DPP6: variants seen among roughly 807,000 people sequenced by gnomAD.
The protein encoded by DPP6 is A-type potassium channel modulatory protein DPP6.
A neutral mutation model predicts 122.6 loss-of-function variants in DPP6; 69 were observed. The ratio of observed to expected loss-of-function variants is 0.56; its 90% CI spans 0.46 to 0.69. The LOEUF is 0.69. DPP6 is among the 30% of genes least tolerant of loss of function. The pLI is 0.00. For missense variants in DPP6, 928 were observed against 1,116.9 expected (o/e 0.83, Z 2.41); for synonymous variants, 418 against 433.1 (o/e 0.97, Z 0.43).
chr7:154,326,969 C>T (rs1052703265), intron 1 of DPP6, among the ~76,000 whole-genome samples: 4 of 152,006 alleles, frequency 2.6e-5, no homozygotes, highest in African/African-American at 4.8e-5. Context: ...CAGAGAGGGA[C>T]GCAAAAAGGC....
At chr7:154,154,031 G>T (rs1483306233) in intron 1 of DPP6, among the ~76,000 whole-genome samples, 1 of 152,338 alleles carries the variant, frequency 6.6e-6, no homozygotes, top group East Asian at 1.9e-4. Context: ...AAACATAATT[G>T]TTCCTTCAAT....
intron 1 of DPP6, among the ~76,000 whole-genome samples, chr7:154,247,698 G>A (rs1487343772): frequency 6.6e-6 from 1 of 152,096 alleles, no homozygotes; most frequent in Non-Finnish European, 1.5e-5. Context: ...TTGTTTGAAA[G>A]TTTCTTCTAA....
chr7:154,764,226 GACCA>G (rs1795756204), intron 8 of DPP6, among the ~76,000 whole-genome samples: 2 of 152,100 alleles, frequency 1.3e-5, no homozygotes, highest in African/African-American at 2.4e-5. Flanking sequence ...GAATGGAATT[GACCA>G]CTCTCGCTCG....
Position 154,204,320 on chromosome 7 carries a change from G to A in DPP6, c.243+151257G>A, listed in dbSNP as rs114628751. On this transcript the variant is annotated intron_variant, in intron 1 of 25. Transcript: ENST00000377770. Reference sequence around the variant, plus strand: ...ACTAAACTGCTTTGACAGCTCCTGTGTCTCCTGGATGGGAAGTGGGGAGGG... The same window carrying A: ...ACTAAACTGCTTTGACAGCTCCTGTATCTCCTGGATGGGAAGTGGGGAGGG... Among the ~76,000 whole-genome samples the A allele has an allele frequency of 3.7e-3, 558 of 152,348 alleles. 7 individuals are homozygous for A. Among genetic ancestry groups the A allele is most frequent in the African/African-American group, 0.013 (525 of 41,570 alleles).
chr7:154,855,234 A>C (rs3807274), intron 17 of DPP6, among the ~76,000 whole-genome samples: 75,983 of 152,068 alleles, frequency 0.5, 19,386 homozygotes, highest in East Asian at 0.79. Context: ...TAATGATGAT[A>C]GTCTGCCAAG....
At chr7:154,061,665 C>CT (rs1801922663) in intron 1 of DPP6, among the ~76,000 whole-genome samples, 1 of 139,808 alleles carries the variant, frequency 7.2e-6, no homozygotes. Context: ...GCCAACCCCT[C>CT]TTCCCCCCCT....
chr7:154,077,138 A>G (rs1297559826), intron 1 of DPP6, among the ~76,000 whole-genome samples: 1 of 152,198 alleles, frequency 6.6e-6, no homozygotes, highest in Non-Finnish European at 1.5e-5. Flanking sequence ...GCTTCTAAGA[A>G]TGTTCCTATT....
the DPP6 span, among the ~76,000 whole-genome samples, chr7:153,784,120 A>C: frequency 6.6e-6 from 1 of 152,234 alleles, no homozygotes; most frequent in Non-Finnish European, 1.5e-5. Context: ...AAGTAAATTA[A>C]ATGGAGTTTT....
At chr7:154,121,308 G>C (rs546524080) in intron 1 of DPP6, among the ~76,000 whole-genome samples, 2 of 152,122 alleles carry the variant, frequency 1.3e-5, no homozygotes, top group South Asian at 4.1e-4. Flanking sequence ...CCCTCTGCTT[G>C]CTTTGGGTTT....
chr7:154,492,974 C>T (rs1487940529), intron 3 of DPP6, among the ~76,000 whole-genome samples: 2 of 152,228 alleles, frequency 1.3e-5, no homozygotes, highest in Non-Finnish European at 2.9e-5. Flanking sequence ...GAAGCTCCCG[C>T]ATCCCTCTTC....
At chr7:154,598,643 T>C (rs1833245036) in intron 5 of DPP6, among the ~76,000 whole-genome samples, 1 of 152,238 alleles carries the variant, frequency 6.6e-6, no homozygotes, top group Non-Finnish European at 1.5e-5. Flanking sequence ...TCTTGCCAAA[T>C]ACCTCTTTGT....
intron 3 of DPP6, among the ~76,000 whole-genome samples, chr7:154,491,323 C>A (rs1273624044): frequency 6.6e-6 from 1 of 152,156 alleles, no homozygotes; most frequent in Admixed American, 6.5e-5. Flanking sequence ...GCGTTAGCAA[C>A]AATGGCCCTG....
At chr7:154,687,105 ACTGT>A (rs1314139930) in intron 7 of DPP6, among the ~76,000 whole-genome samples, 3 of 152,020 alleles carry the variant, frequency 2.0e-5, no homozygotes, top group Non-Finnish European at 4.4e-5. Context: ...TAGTATAGAT[ACTGT>A]CTGTCTTGTC....
intron 16 of DPP6, among the ~76,000 whole-genome samples, chr7:154,840,799 G>A (rs1341247959): frequency 6.6e-6 from 1 of 152,182 alleles, no homozygotes; most frequent in Non-Finnish European, 1.5e-5. Flanking sequence ...AACACAGGTA[G>A]CTGGCGATTT....
chr7:153,896,610 G>A (rs1163409258), intron 1 of DPP6, among the ~76,000 whole-genome samples: 2 of 152,084 alleles, frequency 1.3e-5, no homozygotes, highest in Non-Finnish European at 2.9e-5. Flanking sequence ...TTTGATACCA[G>A]CCTGTGCAAC....
intron 16 of DPP6, among the ~76,000 whole-genome samples, chr7:154,845,551 A>G (rs1801877799): frequency 6.6e-6 from 1 of 152,198 alleles, no homozygotes; most frequent in South Asian, 2.1e-4. Flanking sequence ...ATTAGGAGAT[A>G]TATGTAACGT....
chr7:154,095,834 A>G (rs1476293530), intron 1 of DPP6: 4 of 132,156 alleles, frequency 3.0e-5, no homozygotes, highest in African/African-American at 1.1e-4. Context: ...TCGATAGCAC[A>G]GAAAAGACAG....
At chr7:154,779,060 A>ACCACCACCACCACCACAACTACCC (rs1563201187) in intron 10 of DPP6, among the ~76,000 whole-genome samples, 13 of 2,196 alleles carry the variant, frequency 5.9e-3, no homozygotes, top group East Asian at 0.014. Flanking sequence ...CCCCACCATC[A>ACCACCACCACCACCACAACTACCC]CCACCATCAC....
At chr7:153,834,970 A>G in the DPP6 span, among the ~76,000 whole-genome samples, 1 of 152,230 alleles carries the variant, frequency 6.6e-6, no homozygotes, top group Admixed American at 6.5e-5. Context: ...GAGGAATGGT[A>G]GTATTAAGAG....
Sources: gnomAD v4.1 joint callset for allele counts (sites outside exome capture counted in the v4.1 genomes callset) on GRCh38, gnomAD v4.1.1 for gene constraint, MANE v1.5 for transcripts, NCBI Gene and HGNC (gene_info 2026-07-23, HGNC 2026-07-21) for gene names.